ACTN4: variants seen among roughly 807,000 people sequenced by gnomAD.
The protein encoded by ACTN4 is alpha-actinin-4.
Under a neutral mutation model 114.2 loss-of-function variants are expected in ACTN4, and 18 were observed. The observed-to-expected ratio is 0.16, with a 90% CI of 0.11 to 0.23. The LOEUF (loss-of-function observed/expected upper bound fraction) is 0.23, where lower values mean the gene tolerates loss of function less well. Ranked by LOEUF, ACTN4 falls within the 10% of genes least tolerant of loss-of-function variation. The pLI, the probability that ACTN4 is intolerant of heterozygous loss-of-function variation, is 1.00. For synonymous variants in ACTN4, 515 were observed against 506.3 expected, an observed-to-expected ratio of 1.02 and a Z score of -0.23; for missense variants, 722 against 1,262.9, an observed-to-expected ratio of 0.57 and a Z score of 6.49.
rs1218926563 is a variant in ACTN4 at position 38,708,330 on chromosome 19, G to T, written c.651+135G>T. 5.1e-6 allele frequency: 5 copies of T among 982,276 alleles called. No individual in the cohort carries two copies. In the Admixed American group the frequency reaches 9.8e-5, roughly 19 times the overall value. The allele number at this position is 982,276 out of a possible 1,614,324, so 60.8% of individuals were successfully genotyped here. ...CTGCACGCAGATGGGCAGCCTGGGAGAGCCTTGTGCAGGCTCTCCGCAACC... is the reference window on the plus strand; with the variant it reads ...CTGCACGCAGATGGGCAGCCTGGGATAGCCTTGTGCAGGCTCTCCGCAACC... On this transcript the variant is annotated intron_variant, in intron 6 of 20. Coordinates refer to ENST00000252699, the MANE Select transcript of ACTN4 (RefSeq NM_004924.6).
At chr19:38,722,417 A>G (rs1333466222) in intron 12 of ACTN4, among the ~76,000 whole-genome samples, 1 of 151,850 alleles carries the variant, frequency 6.6e-6, no homozygotes, top group Non-Finnish European at 1.5e-5. Context: ...ACCCCACCAC[A>G]GTCACCCCCA....
At chr19:38,700,923 A>G in intron 2 of ACTN4, 79 bp from the exon 3 acceptor site, 2 of 1,577,132 alleles carry the variant, frequency 1.3e-6, no homozygotes, top group Non-Finnish European at 1.7e-6. Flanking sequence ...AGGAGACTCT[A>G]AAGCCTCTCT....
At chr19:38,684,569 C>T (rs1024310652) in intron 1 of ACTN4, among the ~76,000 whole-genome samples, 3 of 152,238 alleles carry the variant, frequency 2.0e-5, no homozygotes, top group African/African-American at 7.2e-5. Context: ...GCCACCCCTT[C>T]ATGCCAGCCC....
Position 38,701,082 on chromosome 19 carries a change from G to A in ACTN4, c.358G>A (p.Ala120Thr), listed in dbSNP as rs1285681878. The change falls in exon 3 of 21, where the codon GCC (alanine) becomes ACC (threonine). Residue 120 changes from alanine (A) to threonine (T), a missense_variant. Coordinates refer to ENST00000252699, the MANE Select transcript of ACTN4 (RefSeq NM_004924.6). The stretch of plus-strand genomic sequence containing the variant: ...TGTGAACAAAGCGCTGGACTTTATT[G>A]CCAGCAAAGGCGTCAAGCTGGTCTC... The part of the protein sequence containing the change: ...NNVNKALDFI[A>T]SKGVKLVSIG... The A allele has an allele frequency of 2.5e-6, 4 of 1,614,140 alleles. No individual in the cohort carries two copies. The highest frequency in any genetic ancestry group is 3.4e-6 in the Non-Finnish European group (4 of 1,180,052).
Position 38,706,105 on chromosome 19 carries a change from C to T in ACTN4, c.546C>T (p.Asn182=), listed in dbSNP as rs3745859. Residue 182 remains asparagine (N), a synonymous_variant, in exon 5 of 21, where the codon AAC becomes AAT. Coordinates refer to ENST00000252699, the MANE Select transcript of ACTN4 (RefSeq NM_004924.6). ...WCQRKTAPYK[N]VNVQNFHISW... Reference sequence around the variant, plus strand: ...AGAGAAAGACAGCCCCGTATAAGAACGTCAATGTGCAGAACTTCCACATCA... The same window carrying T: ...AGAGAAAGACAGCCCCGTATAAGAATGTCAATGTGCAGAACTTCCACATCA... 728,921 of 1,613,490 alleles carry T rather than the reference C, an allele frequency of 0.45. 169,091 individuals are homozygous for T. Among genetic ancestry groups the T allele is most frequent in the East Asian group, 0.51 (22,921 of 44,852 alleles).
chr19:38,684,385 C>T (rs1160664100), intron 1 of ACTN4, among the ~76,000 whole-genome samples: 2 of 152,166 alleles, frequency 1.3e-5, no homozygotes, highest in Non-Finnish European at 2.9e-5. Context: ...ACCACCTAGG[C>T]CTTTCCTAGA....
At chr19:38,657,671 C>T (rs1028178971) in intron 1 of ACTN4, among the ~76,000 whole-genome samples, 3 of 151,968 alleles carry the variant, frequency 2.0e-5, no homozygotes, top group East Asian at 1.9e-4. Flanking sequence ...ATACACACTT[C>T]GTTTCGGTGG....
intron 1 of ACTN4, among the ~76,000 whole-genome samples, chr19:38,653,430 G>T (rs1462124996): frequency 6.7e-6 from 1 of 149,932 alleles, no homozygotes; most frequent in Admixed American, 6.7e-5. Flanking sequence ...AAAAAAAAAA[G>T]ATTCCCTTGC....
At position 38,723,714 on chromosome 19, in the gene ACTN4, G is replaced by A; in HGVS notation, c.1543G>A (p.Ala515Thr). The A allele has an allele frequency of 6.2e-7, 1 of 1,609,560 alleles. No individual in the cohort carries two copies. Among genetic ancestry groups the A allele is most frequent in the African/African-American group, 1.3e-5 (1 of 74,924 alleles). Residue 515 changes from alanine to threonine, a missense_variant, in exon 13 of 21, where the codon GCC (alanine) becomes ACC (threonine). Physicochemically the swap from Ala to Thr is moderately conservative, Grantham distance 58. Around this residue, in one of 3 missense-constraint regions of ACTN4, gnomAD observed 523 missense variants for 875.9 expected, o/e 0.60. Transcript: ENST00000252699. The part of the protein sequence containing the change: ...LGSLTHSRRE[A>T]LEKTEKQLEA... ...CTCTCTGACACATAGTCGCAGGGAA[G>A]CCCTGGAGGTGAGGAGGGGGTGACA...
chr19:38,648,145 A>C, intron 1 of ACTN4: 1 of 437,144 alleles, frequency 2.3e-6, no homozygotes, highest in Non-Finnish European at 4.0e-6. Context: ...GAGTCAAATA[A>C]AAGGAATCGG....
At chr19:38,682,388 T>C (rs896754784) in intron 1 of ACTN4, among the ~76,000 whole-genome samples, 1 of 152,024 alleles carries the variant, frequency 6.6e-6, no homozygotes, top group African/African-American at 2.4e-5. Flanking sequence ...TCTCACTATG[T>C]TGCCCAGGCT....
intron 1 of ACTN4, among the ~76,000 whole-genome samples, chr19:38,687,095 C>T (rs1464133693): frequency 6.6e-6 from 1 of 151,678 alleles, no homozygotes; most frequent in African/African-American, 2.4e-5. Context: ...TCCTGAGTAT[C>T]TGGGATTACA....
intron 1 of ACTN4, among the ~76,000 whole-genome samples, chr19:38,679,438 T>C (rs1967480092): frequency 6.6e-6 from 1 of 152,136 alleles, no homozygotes; most frequent in Admixed American, 6.5e-5. Flanking sequence ...TATGCAAAAG[T>C]GGTGGGACTC....
intron 1 of ACTN4, among the ~76,000 whole-genome samples, chr19:38,692,908 G>T (rs573459500): frequency 1.7e-3 from 254 of 152,254 alleles, no homozygotes; most frequent in African/African-American, 5.7e-3. Flanking sequence ...TGATGCCCCA[G>T]CGGAGCGACA....
intron 1 of ACTN4, among the ~76,000 whole-genome samples, chr19:38,676,357 T>C (rs1009713968): frequency 2.0e-5 from 3 of 152,244 alleles, no homozygotes; most frequent in Admixed American, 2.0e-4. Flanking sequence ...CATCCCCGAT[T>C]ATCTCAGACA....
chr19:38,727,246 A>C lies in ACTN4; in HGVS notation c.2337+143A>C. ...CTCCCAGGGCCAGCAGGGCCCTGCC[A>C]CTGTCAGGGTGTAGGTGTGCGGCAC... On this transcript the variant is annotated intron_variant, in intron 18 of 20. Transcript: ENST00000252699. The surrounding 1 kb of genome is among the most constrained non-coding windows in gnomAD (Gnocchi z 5.4). 1.5e-6 allele frequency: 2 copies of C among 1,322,368 alleles called. No individual in the cohort carries two copies. The highest frequency in any genetic ancestry group is 2.5e-5 in the East Asian group (1 of 39,854). The allele number at this position is 1,322,368 out of a possible 1,614,324, so 81.9% of individuals were successfully genotyped here.
At position 38,728,193 on chromosome 19, in the gene ACTN4, C is replaced by A. The variant is rs1969311928; in HGVS notation, c.2418+167C>A. 6.8e-6 allele frequency: 9 copies of A among 1,327,514 alleles called. No homozygotes were observed. The South Asian group carries it at 1.0e-4, about 15-fold the overall frequency. 82.2% of individuals were successfully genotyped at this position (1,327,514 alleles called of 1,614,324 possible). ...CTGGACCCCTTCCCTTTTACCTGGT[C>A]TCTTGGGGCCGCTGTCTCCCTGCTC... On this transcript the variant is annotated intron_variant, in intron 19 of 20. Transcript: ENST00000252699.
At chr19:38,666,565 C>T (rs1008848729) in intron 1 of ACTN4, among the ~76,000 whole-genome samples, 4 of 152,242 alleles carry the variant, frequency 2.6e-5, no homozygotes, top group East Asian at 1.9e-4. Flanking sequence ...ACACGAAGTA[C>T]ACACAGGTCC....
Position 38,696,493 on chromosome 19 carries a change from G to A in ACTN4, c.163-4107G>A, listed in dbSNP as rs184289765. ...TAAACCGGGTAGGGAGAGGAAGGAT[G>A]GAAGCAGAGTGTTATTTTTGTAACC... is the stretch of plus-strand genomic sequence containing the variant. On this transcript the variant is annotated intron_variant, in intron 1 of 20. Coordinates refer to ENST00000252699, the MANE Select transcript of ACTN4 (RefSeq NM_004924.6). 4.8e-4 allele frequency among the ~76,000 whole-genome samples: 73 copies of A among 152,260 alleles called. No individual in the cohort carries two copies. The South Asian group carries it at 8.7e-3, about 18-fold the overall frequency.
Sources: allele counts gnomAD v4.1 joint callset (sites outside exome capture counted in the v4.1 genomes callset), GRCh38; gene constraint gnomAD v4.1.1; regional missense constraint gnomAD v4.1.1; non-coding constraint Gnocchi (gnomAD v3.1); transcripts MANE v1.5; gene names NCBI Gene and HGNC (gene_info 2026-07-23, HGNC 2026-07-21).